Variants in ADCY5 observed in about 807,000 individuals in gnomAD.
The protein encoded by ADCY5 is adenylate cyclase type 5.
A neutral mutation model predicts 119.7 loss-of-function variants in ADCY5; 30 were observed. The ratio of observed to expected loss-of-function variants is 0.25; its 90% CI spans 0.19 to 0.34. The LOEUF (loss-of-function observed/expected upper bound fraction) is 0.34, where lower values mean the gene tolerates loss of function less well. ADCY5 is among the 10% of genes least tolerant of loss of function. The probability of loss-of-function intolerance (pLI) is 1.00; values close to 1 mark genes in which losing one functional copy is unlikely to be tolerated. For missense variants in ADCY5, 1,324 were observed against 1,775.2 expected (o/e 0.75, Z 4.57); for synonymous variants, 753 against 762.2 (o/e 0.99, Z 0.20).
intron 19 of ADCY5, among the ~76,000 whole-genome samples, chr3:123,288,781 A>G (rs1460630649): frequency 6.6e-6 from 1 of 152,232 alleles, no homozygotes; most frequent in African/African-American, 2.4e-5. Context: ...TTTTTGGTTC[A>G]AAGACTTTCT....
chr3:123,414,336 C>G (rs1945135217), intron 1 of ADCY5, among the ~76,000 whole-genome samples: 1 of 152,166 alleles, frequency 6.6e-6, no homozygotes, highest in Non-Finnish European at 1.5e-5. Context: ...CTCTCTAAGC[C>G]TTTTTTTCTA....
At position 123,289,774 on chromosome 3, in the gene ADCY5, A is replaced by G. The variant is rs1939026079; in HGVS notation, c.3508T>C (p.Phe1170Leu). 6.2e-7 allele frequency: 1 copy of G among 1,614,064 alleles called. No individual in the cohort carries two copies. Among genetic ancestry groups the G allele is most frequent in the Non-Finnish European group, 8.5e-7 (1 of 1,180,028 alleles). The change falls in exon 19 of 21, where the codon TTC (phenylalanine) becomes CTC (leucine). Residue 1170 changes from phenylalanine (F) to leucine (L), a missense_variant. Transcript: ENST00000462833. ...DQMKYINEHSFNNFQMKIGLN... is the reference protein window; with the variant it reads ...DQMKYINEHSLNNFQMKIGLN... ...CCGATCTTCATCTGGAAGTTGTTGA[A>G]GGAGTGCTCATTGATGTACTTCATC...
intron 5 of ADCY5, among the ~76,000 whole-genome samples, chr3:123,329,147 T>C (rs1941642074): frequency 6.6e-6 from 1 of 152,198 alleles, no homozygotes. Flanking sequence ...AGGGCCGACT[T>C]GAATTAAACA....
chr3:123,372,549 A>G (rs1943676216), intron 1 of ADCY5, among the ~76,000 whole-genome samples: 1 of 152,166 alleles, frequency 6.6e-6, no homozygotes, highest in Non-Finnish European at 1.5e-5. Context: ...ATTTAAGCCC[A>G]CGACACCAGA....
chr3:123,364,374 G>C (rs912793722), intron 1 of ADCY5, among the ~76,000 whole-genome samples: 4 of 152,174 alleles, frequency 2.6e-5, no homozygotes, highest in African/African-American at 9.7e-5. Context: ...ATTCAAAATA[G>C]AAAAAGGAAT....
intron 12 of ADCY5, among the ~76,000 whole-genome samples, chr3:123,310,144 A>G (rs2108298054): frequency 6.6e-6 from 1 of 151,300 alleles, no homozygotes; most frequent in Non-Finnish European, 1.5e-5. Flanking sequence ...ACACACACAC[A>G]CACACAGCTA....
chr3:123,328,176 G>A (rs1576579860), intron 6 of ADCY5, among the ~76,000 whole-genome samples: 1 of 152,186 alleles, frequency 6.6e-6, no homozygotes. Flanking sequence ...AAAGGCCATC[G>A]GCTCTTCTCC....
chr3:123,308,098 G>GGA (rs1940306296), intron 12 of ADCY5, among the ~76,000 whole-genome samples: 2 of 140,476 alleles, frequency 1.4e-5, no homozygotes, highest in Admixed American at 7.8e-5. Flanking sequence ...CAGTGGCATG[G>GGA]TCTCGGCTCA....
At chr3:123,435,598 A>C (rs935589663) in intron 1 of ADCY5, among the ~76,000 whole-genome samples, 1 of 152,142 alleles carries the variant, frequency 6.6e-6, no homozygotes, top group Non-Finnish European at 1.5e-5. Context: ...TCATACTAAG[A>C]AAACCTTTTT....
intron 1 of ADCY5, among the ~76,000 whole-genome samples, chr3:123,399,911 G>T (rs1241022347): frequency 6.6e-6 from 1 of 152,156 alleles, no homozygotes; most frequent in East Asian, 1.9e-4. Context: ...CAACAGGTAA[G>T]GAAACAGAAG....
intron 7 of ADCY5, 108 bp downstream of exon 7, chr3:123,327,510 A>C: frequency 8.1e-7 from 1 of 1,230,258 alleles, no homozygotes; most frequent in Admixed American, 2.8e-5. Context: ...CAACTGCATA[A>C]GAAATTCATG....
chr3:123,428,913 C>T (rs1332998323), intron 1 of ADCY5, among the ~76,000 whole-genome samples: 6 of 152,198 alleles, frequency 3.9e-5, no homozygotes, highest in Non-Finnish European at 7.3e-5. Flanking sequence ...GTTCAGAGTG[C>T]GAGCACTGGA....
chr3:123,447,074 G>A (rs1945829640), intron 1 of ADCY5, among the ~76,000 whole-genome samples: 1 of 152,166 alleles, frequency 6.6e-6, no homozygotes, highest in Non-Finnish European at 1.5e-5. Flanking sequence ...GGGGCCTTTT[G>A]TATATAGGAA....
chr3:123,308,696 G>A (rs749462994), intron 12 of ADCY5, among the ~76,000 whole-genome samples: 1 of 152,124 alleles, frequency 6.6e-6, no homozygotes, highest in African/African-American at 2.4e-5. Flanking sequence ...GGGCTTGGTG[G>A]CAGGCACCTG....
intron 1 of ADCY5, among the ~76,000 whole-genome samples, chr3:123,381,868 A>C (rs1944043688): frequency 6.6e-6 from 1 of 152,198 alleles, no homozygotes; most frequent in Non-Finnish European, 1.5e-5. Flanking sequence ...CAAAGCAACC[A>C]GAGGATCCTT....
chr3:123,403,933 T>G (rs1944837674), intron 1 of ADCY5, among the ~76,000 whole-genome samples: 1 of 152,224 alleles, frequency 6.6e-6, no homozygotes, highest in African/African-American at 2.4e-5. Flanking sequence ...TCTGTCTCTC[T>G]CCTGTAGCCT....
chr3:123,301,510 C>A (rs559118846), intron 14 of ADCY5, among the ~76,000 whole-genome samples: 2 of 152,338 alleles, frequency 1.3e-5, no homozygotes, highest in African/African-American at 4.8e-5. Context: ...CAGACCTTGG[C>A]CCAGATAACC....
chr3:123,358,932 G>T (rs936775471), intron 1 of ADCY5, among the ~76,000 whole-genome samples: 1 of 152,182 alleles, frequency 6.6e-6, no homozygotes, highest in Non-Finnish European at 1.5e-5. Context: ...CACTGTGATC[G>T]TTTCTGCCTC....
At chr3:123,408,587 C>T (rs1944964527) in intron 1 of ADCY5, among the ~76,000 whole-genome samples, 1 of 150,946 alleles carries the variant, frequency 6.6e-6, no homozygotes, top group Non-Finnish European at 1.5e-5. Context: ...ACCCAGGAGG[C>T]GCAGGTTGCA....
Sources: gnomAD v4.1 joint callset for allele counts (sites outside exome capture counted in the v4.1 genomes callset) on GRCh38, gnomAD v4.1.1 for gene constraint, MANE v1.5 for transcripts, NCBI Gene and HGNC (gene_info 2026-07-23, HGNC 2026-07-21) for gene names.